WWOX: variants seen among roughly 807,000 people sequenced by gnomAD.
WWOX encodes WW domain containing oxidoreductase.
Under a neutral mutation model 46.2 loss-of-function variants are expected in WWOX, and 69 were observed. The observed-to-expected ratio is 1.49, with a 90% confidence interval of 1.23 to 1.82. The LOEUF is 1.82. Among genes scored for constraint, WWOX ranks in the 40% most tolerant of loss-of-function variants. The pLI, the probability that WWOX is intolerant of heterozygous loss-of-function variation, is 0.00. For missense variants in WWOX, 919 were observed against 542.6 expected, an observed-to-expected ratio of 1.69 and a Z score of -6.89; for synonymous variants, 359 against 202.6, an observed-to-expected ratio of 1.77 and a Z score of -6.56.
intron 5 of WWOX, among the ~76,000 whole-genome samples, chr16:78,354,745 T>C (rs956410394): frequency 6.6e-6 from 1 of 152,196 alleles, no homozygotes; most frequent in Non-Finnish European, 1.5e-5. Flanking sequence ...TTCTGTTAAA[T>C]TTTGTTTTCT....
intron 5 of WWOX, among the ~76,000 whole-genome samples, chr16:78,211,058 T>C (rs2036545049): frequency 6.6e-6 from 1 of 152,194 alleles, no homozygotes; most frequent in Non-Finnish European, 1.5e-5. Flanking sequence ...TGTGGGCAAT[T>C]TCAGCCTCTA....
intron 8 of WWOX, among the ~76,000 whole-genome samples, chr16:78,879,415 A>G (rs1446374691): frequency 1.3e-5 from 2 of 152,164 alleles, no homozygotes; most frequent in Non-Finnish European, 2.9e-5. Flanking sequence ...TCATGCCATA[A>G]GGGCAAAATC....
In WWOX at chr16:78,148,317, T is replaced by G. The variant is rs576053392; in HGVS notation, c.410-15866T>G. On this transcript the variant is annotated intron_variant, in intron 4 of 8. Transcript: ENST00000566780. ...GTGTGTGCACGTGTGTGCGCATGCCTGTGTGTGTCATTGGTTAGTTAACAA... is the reference window on the plus strand; with the variant it reads ...GTGTGTGCACGTGTGTGCGCATGCCGGTGTGTGTCATTGGTTAGTTAACAA... 4.6e-5 allele frequency among the ~76,000 whole-genome samples: 7 copies of G among 152,296 alleles called. No individual in the cohort carries two copies. In the East Asian group the frequency reaches 1.4e-3, roughly 30 times the overall value.
chr16:78,948,744 T>A (rs1397306629), intron 8 of WWOX, among the ~76,000 whole-genome samples: 4 of 152,142 alleles, frequency 2.6e-5, no homozygotes, highest in Non-Finnish European at 1.5e-5. Context: ...CTGTTGGCAT[T>A]ACTCCTATGG....
chr16:78,903,070 T>A (rs1046635806), intron 8 of WWOX, among the ~76,000 whole-genome samples: 18 of 152,174 alleles, frequency 1.2e-4, no homozygotes, highest in Admixed American at 1.0e-3. Flanking sequence ...CAACAAAAGC[T>A]GAGGTTTATT....
At chr16:78,994,390 T>C (rs80029204) in intron 8 of WWOX, 2 of 152,228 alleles carry the variant, frequency 1.3e-5, no homozygotes, top group Non-Finnish European at 2.9e-5. Flanking sequence ...GACGACACTT[T>C]TGATACAAAG....
At chr16:78,742,143 G>A (rs1241995547) in intron 8 of WWOX, among the ~76,000 whole-genome samples, 1 of 152,076 alleles carries the variant, frequency 6.6e-6, no homozygotes, top group East Asian at 1.9e-4. Flanking sequence ...TCTTTTCCTT[G>A]CAATGTTTTG....
chr16:78,835,515 G>C (rs972880812), intron 8 of WWOX, among the ~76,000 whole-genome samples: 2 of 152,146 alleles, frequency 1.3e-5, no homozygotes, highest in Non-Finnish European at 2.9e-5. Flanking sequence ...TGAATACCCC[G>C]TAAAATCACA....
At chr16:78,831,356 G>C (rs146986671) in intron 8 of WWOX, among the ~76,000 whole-genome samples, 265 of 152,296 alleles carry the variant, frequency 1.7e-3, no homozygotes, top group African/African-American at 5.9e-3. Flanking sequence ...TATCCTAAAA[G>C]CTCCTATGGA....
intron 8 of WWOX, among the ~76,000 whole-genome samples, chr16:79,191,544 A>C (rs1033669231): frequency 2.0e-5 from 3 of 152,212 alleles, no homozygotes; most frequent in Non-Finnish European, 2.9e-5. Context: ...TTTTGCTTCT[A>C]GCTGGTCGAA....
chr16:78,905,803 C>G (rs990963681), intron 8 of WWOX, among the ~76,000 whole-genome samples: 9 of 152,118 alleles, frequency 5.9e-5, no homozygotes, highest in African/African-American at 1.9e-4. Context: ...TTCTTAGAAC[C>G]ATGAGCTAAG....
At chr16:78,598,172 T>C (rs2045534830) in intron 8 of WWOX, among the ~76,000 whole-genome samples, 1 of 152,164 alleles carries the variant, frequency 6.6e-6, no homozygotes, top group East Asian at 1.9e-4. Flanking sequence ...GAGGAACTGA[T>C]TTTCAAACAT....
At chr16:78,475,470 GTT>G (rs2084329574) in intron 8 of WWOX, among the ~76,000 whole-genome samples, 1 of 152,184 alleles carries the variant, frequency 6.6e-6, no homozygotes, top group Non-Finnish European at 1.5e-5. Context: ...GTGTTGGTTT[GTT>G]ATAAGGTGGT....
At chr16:78,151,153 A>C (rs1196953372) in intron 4 of WWOX, among the ~76,000 whole-genome samples, 1 of 151,886 alleles carries the variant, frequency 6.6e-6, no homozygotes, top group Admixed American at 6.6e-5. Flanking sequence ...CTAGGATTAC[A>C]GGCATGAGAC....
intron 8 of WWOX, among the ~76,000 whole-genome samples, chr16:78,949,330 A>G (rs768230151): frequency 1.3e-5 from 2 of 152,006 alleles, no homozygotes; most frequent in Non-Finnish European, 2.9e-5. Context: ...GGGGATGATA[A>G]TTTGCTGTGG....
At chr16:78,111,250 T>G (rs530139029) in intron 3 of WWOX, among the ~76,000 whole-genome samples, 1 of 152,266 alleles carries the variant, frequency 6.6e-6, no homozygotes, top group Non-Finnish European at 1.5e-5. Flanking sequence ...ACTGTTTCAG[T>G]ATAATAAAGA....
chr16:78,762,244 G>A (rs1459551820), intron 8 of WWOX, among the ~76,000 whole-genome samples: 2 of 152,180 alleles, frequency 1.3e-5, no homozygotes, highest in African/African-American at 4.8e-5. Flanking sequence ...TCTTAAGACT[G>A]TGCCCTTTCA....
chr16:78,174,302 G>A (rs71396157), intron 5 of WWOX, among the ~76,000 whole-genome samples: 22,403 of 150,784 alleles, frequency 0.15, 2,002 homozygotes, highest in East Asian at 0.22. Context: ...AGCAGAAACT[G>A]CCTGATAAAC....
intron 4 of WWOX, among the ~76,000 whole-genome samples, chr16:78,127,248 C>G (rs1441249651): frequency 5.3e-5 from 8 of 152,110 alleles, no homozygotes; most frequent in Admixed American, 1.3e-4. Context: ...GAATTGTCTA[C>G]TCATCATTGC....
Sources: gnomAD v4.1 joint callset for allele counts (sites outside exome capture counted in the v4.1 genomes callset) on GRCh38, gnomAD v4.1.1 for gene constraint, MANE v1.5 for transcripts, NCBI Gene and HGNC (gene_info 2026-07-23, HGNC 2026-07-21) for gene names.